The following PRKG1 variants were observed in gnomAD, a reference collection of about 807,000 sequenced individuals.
The protein encoded by PRKG1 is protein kinase cGMP-dependent 1, also known as cGMP-dependent protein kinase 1.
PRKG1 carries 35 observed loss-of-function variants against 88.1 expected under a neutral mutation model. That is an observed-to-expected ratio of 0.40 (90% CI 0.30 to 0.53). The LOEUF (loss-of-function observed/expected upper bound fraction) is 0.53, where lower values mean the gene tolerates loss of function less well. Among genes scored for constraint, PRKG1 ranks in the 20% least tolerant of loss-of-function variants. The pLI, the probability that PRKG1 is intolerant of heterozygous loss-of-function variation, is 0.59. For synonymous variants in PRKG1, 303 were observed against 292.5 expected, an observed-to-expected ratio of 1.04 and a Z score of -0.37; for missense variants, 540 against 839.8, an observed-to-expected ratio of 0.64 and a Z score of 4.41.
chr10:51,152,306 C>T (rs1846091922), intron 1 of PRKG1, among the ~76,000 whole-genome samples: 1 of 152,008 alleles, frequency 6.6e-6, no homozygotes, highest in African/African-American at 2.4e-5. Context: ...ACATGTTGCA[C>T]TTCAAACATC....
chr10:51,860,265 A>G (rs1840837840), intron 4 of PRKG1, among the ~76,000 whole-genome samples: 1 of 152,152 alleles, frequency 6.6e-6, no homozygotes, highest in Non-Finnish European at 1.5e-5. Context: ...AAAAACACCT[A>G]TTTGTCGCTC....
intron 9 of PRKG1, among the ~76,000 whole-genome samples, chr10:52,230,092 C>T (rs773197185): frequency 2.9e-4 from 44 of 152,150 alleles, no homozygotes; most frequent in Non-Finnish European, 6.0e-4. Flanking sequence ...AACATAAAAA[C>T]ACCAATTAGA....
At chr10:51,140,281 C>G (rs750599678) in intron 1 of PRKG1, among the ~76,000 whole-genome samples, 6 of 152,152 alleles carry the variant, frequency 3.9e-5, no homozygotes, top group African/African-American at 1.2e-4. Flanking sequence ...TCTGTATTAA[C>G]AAGAGGTACT....
At chr10:51,019,125 G>T (rs1258056037) in intron 1 of PRKG1, among the ~76,000 whole-genome samples, 1 of 152,120 alleles carries the variant, frequency 6.6e-6, no homozygotes, top group Non-Finnish European at 1.5e-5. Flanking sequence ...CCCACTTACA[G>T]CTACTATTAT....
chr10:52,132,678 C>T (rs896828175), intron 7 of PRKG1, among the ~76,000 whole-genome samples: 1 of 152,044 alleles, frequency 6.6e-6, no homozygotes, highest in African/African-American at 2.4e-5. Context: ...GTACCTATCT[C>T]TTTAATATAT....
At chr10:51,331,183 A>G (rs1290405627) in intron 2 of PRKG1, among the ~76,000 whole-genome samples, 2 of 152,104 alleles carry the variant, frequency 1.3e-5, no homozygotes, top group Admixed American at 1.3e-4. Flanking sequence ...CAGTACTGGA[A>G]CAAGCTAGAA....
chr10:51,461,311 C>G (rs981310713), intron 2 of PRKG1, among the ~76,000 whole-genome samples: 1 of 152,024 alleles, frequency 6.6e-6, no homozygotes, highest in Non-Finnish European at 1.5e-5. Context: ...AGAATTATTT[C>G]TATGATGATG....
chr10:51,727,504 T>G (rs1842165748), intron 3 of PRKG1, among the ~76,000 whole-genome samples: 1 of 152,130 alleles, frequency 6.6e-6, no homozygotes, highest in Admixed American at 6.6e-5. Flanking sequence ...GTTTTGCTTT[T>G]GCCAGCTGCA....
At chr10:51,618,483 C>G (rs574474659) in intron 3 of PRKG1, among the ~76,000 whole-genome samples, 1 of 152,278 alleles carries the variant, frequency 6.6e-6, no homozygotes, top group African/African-American at 2.4e-5. Context: ...TCATTGTCAT[C>G]ATTGCAGAAA....
intron 4 of PRKG1, among the ~76,000 whole-genome samples, chr10:51,865,657 A>G (rs1840995416): frequency 6.6e-6 from 1 of 152,002 alleles, no homozygotes; most frequent in South Asian, 2.1e-4. Flanking sequence ...TTAAAACTAC[A>G]ATTAAAGTAA....
chr10:51,389,180 T>A (rs1344274171), intron 2 of PRKG1, among the ~76,000 whole-genome samples: 2 of 152,190 alleles, frequency 1.3e-5, no homozygotes, highest in African/African-American at 2.4e-5. Context: ...CAAATCTTTT[T>A]AAAAGATATC....
At chr10:51,675,915 C>T (rs1210488495) in intron 3 of PRKG1, among the ~76,000 whole-genome samples, 1 of 151,992 alleles carries the variant, frequency 6.6e-6, no homozygotes, top group Non-Finnish European at 1.5e-5. Flanking sequence ...TGGACTCCAC[C>T]CATTTCACCA....
intron 3 of PRKG1, among the ~76,000 whole-genome samples, chr10:51,510,787 A>G (rs1244064892): frequency 6.8e-6 from 1 of 147,762 alleles, no homozygotes; most frequent in East Asian, 1.9e-4. Flanking sequence ...TGTGTCGCCC[A>G]AGCTGGAGTG....
intron 4 of PRKG1, among the ~76,000 whole-genome samples, chr10:51,888,435 A>G (rs1841627948): frequency 6.6e-6 from 1 of 152,220 alleles, no homozygotes; most frequent in Admixed American, 6.5e-5. Flanking sequence ...AACTAAAAGC[A>G]TTACTTCAAC....
rs10996432 is a variant in PRKG1 at position 51,265,708 on chromosome 10, C to T, written c.478+112378C>T. Among the ~76,000 whole-genome samples, 28 of 152,072 alleles carry T rather than the reference C, an allele frequency of 1.8e-4. No individual in the cohort carries two copies. In the East Asian group the frequency reaches 3.5e-3, roughly 19 times the overall value. ...TTGAGAGAAATTGAAGTGAGTGCTC[C>T]AGGAGAAGTACAATGACCATTCAGA... On this transcript the variant is annotated intron_variant, in intron 2 of 17. Coordinates refer to ENST00000373980, the MANE Select transcript of PRKG1 (RefSeq NM_006258.4).
intron 2 of PRKG1, among the ~76,000 whole-genome samples, chr10:51,352,416 T>G (rs1842270339): frequency 6.6e-6 from 1 of 152,142 alleles, no homozygotes; most frequent in African/African-American, 2.4e-5. Flanking sequence ...TGTCCTCTCT[T>G]ATTTCCTTGA....
chr10:51,712,748 C>T (rs1841790104), intron 3 of PRKG1, among the ~76,000 whole-genome samples: 1 of 151,812 alleles, frequency 6.6e-6, no homozygotes, highest in Non-Finnish European at 1.5e-5. Context: ...CGCCACCACG[C>T]CCGGCTAATT....
chr10:52,011,372 T>C (rs558889107), intron 5 of PRKG1, among the ~76,000 whole-genome samples: 1 of 152,312 alleles, frequency 6.6e-6, no homozygotes, highest in South Asian at 2.1e-4. Flanking sequence ...CAAAAATATG[T>C]GTCAGTGGTC....
chr10:51,020,965 T>C (rs779051470), intron 1 of PRKG1, among the ~76,000 whole-genome samples: 2 of 152,204 alleles, frequency 1.3e-5, no homozygotes, highest in African/African-American at 2.4e-5. Context: ...TCCATACTTG[T>C]AGTTTAATAA....
Sources: gnomAD v4.1 joint callset for allele counts (sites outside exome capture counted in the v4.1 genomes callset) on GRCh38, gnomAD v4.1.1 for gene constraint, MANE v1.5 for transcripts, NCBI Gene and HGNC (gene_info 2026-07-23, HGNC 2026-07-21) for gene names.